The following ZFAT variants were observed in gnomAD, a reference collection of about 807,000 sequenced individuals.
The protein encoded by ZFAT is zinc finger and AT-hook domain containing, also known as zinc finger protein ZFAT.
Under a neutral mutation model 117.7 loss-of-function variants are expected in ZFAT, and 64 were observed. The observed-to-expected ratio is 0.54, with a 90% CI of 0.44 to 0.67. The LOEUF (loss-of-function observed/expected upper bound fraction) is 0.67, where lower values mean the gene tolerates loss of function less well. ZFAT is among the 30% of genes least tolerant of loss of function. The pLI is 0.00. For missense variants in ZFAT, 1,433 were observed against 1,584.5 expected (o/e 0.90, Z 1.62); for synonymous variants, 679 against 615.0 (o/e 1.10, Z -1.54).
At chr8:134,683,999 C>T (rs1833196184) in intron 1 of ZFAT, among the ~76,000 whole-genome samples, 1 of 152,154 alleles carries the variant, frequency 6.6e-6, no homozygotes, top group Non-Finnish European at 1.5e-5. Context: ...TTAGGTCTGG[C>T]CTACGGGTTG....
chr8:134,676,982 CAAGAAA>C (rs1263437038), intron 1 of ZFAT, among the ~76,000 whole-genome samples: 3 of 152,032 alleles, frequency 2.0e-5, no homozygotes, highest in Non-Finnish European at 2.9e-5. Flanking sequence ...TAAATGACCA[CAAGAAA>C]AAGTAGGAGA....
intron 1 of ZFAT, among the ~76,000 whole-genome samples, chr8:134,711,578 C>T (rs977496133): frequency 1.3e-5 from 2 of 152,154 alleles, no homozygotes; most frequent in African/African-American, 4.8e-5. Context: ...CCCGAGATTG[C>T]ACCATTGCAC....
At chr8:134,672,251 C>A (rs549163659) in intron 1 of ZFAT, among the ~76,000 whole-genome samples, 4 of 152,326 alleles carry the variant, frequency 2.6e-5, no homozygotes, top group Admixed American at 2.6e-4. Flanking sequence ...TTGGAAAAAA[C>A]TACTTTAAAG....
intron 10 of ZFAT, chr8:134,565,712 T>C: frequency 2.0e-6 from 1 of 487,834 alleles, no homozygotes; most frequent in Non-Finnish European, 3.7e-6. Context: ...TAAGGGTGTG[T>C]CCAGCTGCCC....
the ZFAT span, among the ~76,000 whole-genome samples, chr8:134,725,523 T>C: frequency 6.6e-6 from 1 of 152,012 alleles, no homozygotes; most frequent in Non-Finnish European, 1.5e-5. Flanking sequence ...CCAGATCTCA[T>C]GAGAACTCTA....
rs1184652505 is a variant in ZFAT at position 134,496,515 on chromosome 8, T to C, written c.3492+13104A>G. The stretch of plus-strand genomic sequence containing the variant: ...GTATGCACTGCCAGCCTGGAGAGCA[T>C]GAGGCTGCTCAGCACAAGTCACACC... On this transcript the variant is annotated intron_variant, in intron 15 of 15. Transcript: ENST00000377838. Among the ~76,000 whole-genome samples, 3 of 152,282 alleles carry C rather than the reference T, an allele frequency of 2.0e-5. No homozygotes were observed. In the East Asian group the frequency reaches 5.8e-4, roughly 29 times the overall value.
At chr8:134,551,542 G>A (rs748771919) in intron 11 of ZFAT, among the ~76,000 whole-genome samples, 1 of 152,196 alleles carries the variant, frequency 6.6e-6, no homozygotes, top group African/African-American at 2.4e-5. Flanking sequence ...AAATAAAACT[G>A]CAATGCCATA....
intron 2 of ZFAT, among the ~76,000 whole-genome samples, chr8:134,654,894 C>T (rs986327412): frequency 1.3e-5 from 2 of 152,196 alleles, no homozygotes; most frequent in Non-Finnish European, 2.9e-5. Flanking sequence ...TGAAAGCACA[C>T]CCAGGTGAGA....
chr8:134,664,189 A>G (rs7843350), intron 1 of ZFAT, among the ~76,000 whole-genome samples: 52,413 of 149,648 alleles, frequency 0.35, 9,552 homozygotes, highest in South Asian at 0.43. Flanking sequence ...TCTGCTGGCC[A>G]GCCCATGATC....
chr8:134,812,913 TGA>T, the ZFAT span, among the ~76,000 whole-genome samples: 76 of 152,300 alleles, frequency 5.0e-4, no homozygotes, highest in South Asian at 1.2e-3. Flanking sequence ...AAATGAGAAA[TGA>T]GAGACAGAAA....
At chr8:134,619,699 A>G (rs533879508) in intron 3 of ZFAT, among the ~76,000 whole-genome samples, 2 of 152,374 alleles carry the variant, frequency 1.3e-5, no homozygotes, top group East Asian at 1.9e-4. Flanking sequence ...TCATCCAGTC[A>G]TTAAACAAAT....
At chr8:134,783,515 T>C in the ZFAT span, among the ~76,000 whole-genome samples, 1 of 152,176 alleles carries the variant, frequency 6.6e-6, no homozygotes, top group Admixed American at 6.5e-5. Flanking sequence ...ACAAAACCGG[T>C]TCCTGGTGCC....
chr8:134,611,816 G>A (rs4909531), intron 3 of ZFAT, among the ~76,000 whole-genome samples: 63,273 of 152,134 alleles, frequency 0.42, 13,590 homozygotes, highest in Admixed American at 0.55. Flanking sequence ...AGCCGGGAAG[G>A]GCTGGATTAT....
chr8:134,482,986 C>T (rs1817420722), intron 15 of ZFAT, among the ~76,000 whole-genome samples: 1 of 152,148 alleles, frequency 6.6e-6, no homozygotes, highest in Non-Finnish European at 1.5e-5. Context: ...CAGATGTCCA[C>T]GTCACAAAAA....
chr8:134,696,048 C>A (rs1455790663), intron 1 of ZFAT, among the ~76,000 whole-genome samples: 5 of 152,196 alleles, frequency 3.3e-5, no homozygotes, highest in African/African-American at 1.2e-4. Context: ...GGCACCATCC[C>A]CAGGCCCTGC....
chr8:134,770,818 G>A, the ZFAT span, among the ~76,000 whole-genome samples: 3 of 152,154 alleles, frequency 2.0e-5, no homozygotes, highest in South Asian at 2.1e-4. Context: ...TGGGCCCCCT[G>A]GGCGTAGCTG....
rs1002101773 is a variant in ZFAT at position 134,523,263 on chromosome 8, C to T, written c.3116-2262G>A. On this transcript the variant is annotated intron_variant, in intron 12 of 15. Transcript: ENST00000377838. ...TGGGCCCTCCTACTCTGTCCCGTGT[C>T]GCCTAGGCTCGGTATCCAGACATTC... is the stretch of plus-strand genomic sequence containing the variant. Among the ~76,000 whole-genome samples, 7 of 152,296 alleles carry T rather than the reference C, an allele frequency of 4.6e-5. No homozygotes were observed. The East Asian group carries it at 7.7e-4, about 17-fold the overall frequency.
At chr8:134,771,136 T>C in the ZFAT span, among the ~76,000 whole-genome samples, 1 of 152,216 alleles carries the variant, frequency 6.6e-6, no homozygotes, top group Non-Finnish European at 1.5e-5. Flanking sequence ...CCTCCCCTTT[T>C]GAAAATCTCT....
At chr8:134,713,369 G>T (rs1023790356), upstream of ZFAT, among the ~76,000 whole-genome samples, 3 of 152,222 alleles carry the variant, frequency 2.0e-5, no homozygotes, top group Non-Finnish European at 4.4e-5. Flanking sequence ...TCGTGTCCCA[G>T]CTCTACCTCT....
Sources: allele counts gnomAD v4.1 joint callset (sites outside exome capture counted in the v4.1 genomes callset), GRCh38; gene constraint gnomAD v4.1.1; transcripts MANE v1.5; gene names NCBI Gene and HGNC (gene_info 2026-07-23, HGNC 2026-07-21).